The following AGBL3 variants were observed in gnomAD, a reference collection of about 807,000 sequenced individuals.
The protein encoded by AGBL3 is cytosolic carboxypeptidase 3.
AGBL3 carries 68 observed loss-of-function variants against 94.5 expected under a neutral mutation model. The observed-to-expected ratio is 0.72, with a 90% CI of 0.59 to 0.88. AGBL3 has a LOEUF of 0.88. Among genes scored for constraint, AGBL3 ranks in the 40% least tolerant of loss-of-function variants. The pLI is 0.00. For missense variants in AGBL3, 934 were observed against 1,103.8 expected, an observed-to-expected ratio of 0.85 and a Z score of 2.18; for synonymous variants, 354 against 370.7, an observed-to-expected ratio of 0.95 and a Z score of 0.52.
At chr7:135,038,421 A>G (rs1816515862) in intron 8 of AGBL3, among the ~76,000 whole-genome samples, 1 of 152,152 alleles carries the variant, frequency 6.6e-6, no homozygotes. Flanking sequence ...TACTGTCAAT[A>G]CTCTTAGGTA....
chr7:135,130,976 G>GT (rs1828675420), intron 16 of AGBL3, among the ~76,000 whole-genome samples: 1 of 151,996 alleles, frequency 6.6e-6, no homozygotes, highest in Non-Finnish European at 1.5e-5. Flanking sequence ...AGAACATATT[G>GT]TTTTTTTCCT....
chr7:135,083,099 A>C (rs1477897986), intron 15 of AGBL3, among the ~76,000 whole-genome samples: 2 of 152,064 alleles, frequency 1.3e-5, no homozygotes, highest in African/African-American at 2.4e-5. Context: ...CCAGTCAGCC[A>C]CTGAATATGT....
intron 15 of AGBL3, among the ~76,000 whole-genome samples, chr7:135,096,343 GAAAGAAAGAA>G (rs1482817308): frequency 6.7e-6 from 1 of 148,932 alleles, no homozygotes; most frequent in African/African-American, 2.5e-5. Flanking sequence ...AAAGAGGAAA[GAAAGAAAGAA>G]AGAGAGAGAC....
chr7:134,996,036 T>G (rs553119079), intron 4 of AGBL3, among the ~76,000 whole-genome samples: 12 of 152,326 alleles, frequency 7.9e-5, no homozygotes, highest in African/African-American at 2.6e-4. Context: ...CTTTTGTCAC[T>G]TGACTATTGC....
At chr7:135,048,612 A>T (rs1004226446) in intron 11 of AGBL3, among the ~76,000 whole-genome samples, 1 of 151,796 alleles carries the variant, frequency 6.6e-6, no homozygotes, top group African/African-American at 2.4e-5. Context: ...TGTAAATGGG[A>T]TATTTTGTAA....
chr7:135,043,714 T>C (rs989557229), intron 8 of AGBL3, among the ~76,000 whole-genome samples: 1 of 152,086 alleles, frequency 6.6e-6, no homozygotes, highest in Non-Finnish European at 1.5e-5. Context: ...ATAAACTTAC[T>C]ATGTACCCAC....
intron 15 of AGBL3, among the ~76,000 whole-genome samples, chr7:135,108,399 T>A (rs1825088243): frequency 6.6e-6 from 1 of 152,234 alleles, no homozygotes; most frequent in Admixed American, 6.5e-5. Context: ...AAGGTGGGTC[T>A]GGTGGTAATG....
At chr7:135,011,025 G>C (rs1490047777) in intron 4 of AGBL3, 1 of 152,082 alleles carries the variant, frequency 6.6e-6, no homozygotes, top group Non-Finnish European at 1.5e-5. Context: ...CAAAAAAATT[G>C]TAAGAGTTAC....
intron 11 of AGBL3, chr7:135,051,157 G>A (rs1333505342): frequency 5.8e-6 from 2 of 347,076 alleles, no homozygotes; most frequent in Admixed American, 8.4e-5. Context: ...ACTTATAGGT[G>A]AGTACAGTAC....
At chr7:135,077,697 A>C (rs922267344) in intron 13 of AGBL3, among the ~76,000 whole-genome samples, 7 of 131,326 alleles carry the variant, frequency 5.3e-5, no homozygotes, top group African/African-American at 1.6e-4. Context: ...CTGCCCTAAA[A>C]CTTGCCTCAG....
At chr7:135,033,076 T>C in intron 6 of AGBL3, 94 bp downstream of exon 6, 1 of 1,231,118 alleles carries the variant, frequency 8.1e-7, no homozygotes, top group Non-Finnish European at 1.1e-6. Context: ...ATTATGAAAC[T>C]GTAATTCCTT....
intron 15 of AGBL3, among the ~76,000 whole-genome samples, chr7:135,089,460 C>T (rs1821597464): frequency 6.6e-6 from 1 of 152,160 alleles, no homozygotes; most frequent in Non-Finnish European, 1.5e-5. Flanking sequence ...GATGCCTGTG[C>T]ATCTGGTGGA....
At chr7:135,080,744 G>GTTTTTTTTTTTTTTTTTTTTTTTTT (rs11409204) in intron 14 of AGBL3, among the ~76,000 whole-genome samples, 1 of 136,958 alleles carries the variant, frequency 7.3e-6, no homozygotes, top group Non-Finnish European at 1.6e-5. Flanking sequence ...TAGCATCTCT[G>GTTTTTTTTTTTTTTTTTTTTTTTTT]TTTTTTTTTT....
chr7:135,058,015 T>C (rs1818487557), intron 11 of AGBL3, among the ~76,000 whole-genome samples: 1 of 152,292 alleles, frequency 6.6e-6, no homozygotes, highest in African/African-American at 2.4e-5. Flanking sequence ...CTATATATCA[T>C]TATAAAGTTG....
intron 16 of AGBL3, among the ~76,000 whole-genome samples, chr7:135,124,111 G>C (rs942912935): frequency 1.3e-5 from 2 of 151,994 alleles, no homozygotes; most frequent in Non-Finnish European, 2.9e-5. Flanking sequence ...ATTGGATAAA[G>C]AGTCAAGTCC....
At position 135,063,656 on chromosome 7, in the gene AGBL3, T is replaced by C. The variant is rs375785089; in HGVS notation, c.1908+4421T>C. On this transcript the variant is annotated intron_variant, in intron 12 of 16. Transcript: ENST00000436302. ...CCATTGGCTGTTCAGGAGTGTATTA[T>C]TTAATTTCCATGTTCTTGTGAATAT... is the stretch of plus-strand genomic sequence containing the variant. 1.3e-4 allele frequency among the ~76,000 whole-genome samples: 20 copies of C among 152,332 alleles called. No homozygotes were observed. In the East Asian group the frequency reaches 3.7e-3, roughly 28 times the overall value.
chr7:135,122,414 G>A (rs1322866106), intron 16 of AGBL3, among the ~76,000 whole-genome samples: 1 of 152,200 alleles, frequency 6.6e-6, no homozygotes, highest in East Asian at 1.9e-4. Context: ...TAGCGGGAGG[G>A]GTGACCACAG....
chr7:135,062,293 A>G (rs1186717738), intron 12 of AGBL3, among the ~76,000 whole-genome samples: 1 of 151,832 alleles, frequency 6.6e-6, no homozygotes, highest in African/African-American at 2.4e-5. Context: ...CTGTTCTTTG[A>G]TGGGAGTTTT....
chr7:135,119,481 T>C (rs78821436), intron 16 of AGBL3, among the ~76,000 whole-genome samples: 5,570 of 151,532 alleles, frequency 0.037, 329 homozygotes, highest in African/African-American at 0.13. Context: ...TCTGACTCCC[T>C]CAGCTCCCAA....
Sources: gnomAD v4.1 joint callset for allele counts (sites outside exome capture counted in the v4.1 genomes callset) on GRCh38, gnomAD v4.1.1 for gene constraint, MANE v1.5 for transcripts, NCBI Gene and HGNC (gene_info 2026-07-23, HGNC 2026-07-21) for gene names.